The following COL25A1 variants were observed in gnomAD, a reference collection of about 807,000 sequenced individuals.
COL25A1 encodes collagen alpha-1(XXV) chain.
In COL25A1, 103 loss-of-function variants were observed where a neutral mutation model predicts 128.4. The observed-to-expected ratio is 0.80, with a 90% CI of 0.68 to 0.94. COL25A1 has a LOEUF of 0.94. COL25A1 is among the 40% of genes least tolerant of loss of function. The probability of loss-of-function intolerance (pLI) is 0.00; values close to 1 mark genes in which losing one functional copy is unlikely to be tolerated. For synonymous variants in COL25A1, 279 were observed against 277.2 expected, an observed-to-expected ratio of 1.01 and a Z score of -0.06; for missense variants, 745 against 840.0, an observed-to-expected ratio of 0.89 and a Z score of 1.40.
intron 35 of COL25A1, among the ~76,000 whole-genome samples, chr4:108,822,167 C>T (rs972816774): frequency 2.6e-5 from 4 of 150,972 alleles, no homozygotes; most frequent in African/African-American, 7.3e-5. Flanking sequence ...CCTCAGCCTC[C>T]TGAGTAGCTG....
At chr4:108,880,399 G>A (rs998895601) in intron 19 of COL25A1, among the ~76,000 whole-genome samples, 1 of 152,186 alleles carries the variant, frequency 6.6e-6, no homozygotes, top group African/African-American at 2.4e-5. Context: ...CTGCAAAGGA[G>A]TTTTCAGAAT....
chr4:109,157,487 T>G (rs532232739), intron 3 of COL25A1, among the ~76,000 whole-genome samples: 54 of 152,194 alleles, frequency 3.5e-4, no homozygotes, highest in Non-Finnish European at 6.8e-4. Flanking sequence ...TATATTCACC[T>G]GTACTATTTC....
chr4:108,891,057 C>T (rs1190502857), intron 16 of COL25A1, among the ~76,000 whole-genome samples: 2 of 152,204 alleles, frequency 1.3e-5, no homozygotes, highest in African/African-American at 4.8e-5. Flanking sequence ...CAGTTAGCTA[C>T]ATGTGAGCAG....
intron 8 of COL25A1, among the ~76,000 whole-genome samples, chr4:108,974,057 T>G (rs954048628): frequency 1.3e-5 from 2 of 152,224 alleles, no homozygotes; most frequent in Non-Finnish European, 2.9e-5. Context: ...AAACAATTCA[T>G]GCAAATCTGA....
chr4:108,936,853 A>G (rs767968172), intron 11 of COL25A1, among the ~76,000 whole-genome samples: 2 of 149,466 alleles, frequency 1.3e-5, no homozygotes, highest in Non-Finnish European at 3.0e-5. Context: ...CGTGTTACCC[A>G]GGCTGGTCTC....
Position 108,891,164 on chromosome 4 carries a change from C to G in COL25A1, c.907-1431G>C, listed in dbSNP as rs921014351. On this transcript the variant is annotated intron_variant, in intron 16 of 37. Transcript: ENST00000399132. ...ACAGATCTCAAAAAGAATTTTTAAA[C>G]AGGTTAATTGTCAAGGATCAAAATG... 4.6e-5 allele frequency among the ~76,000 whole-genome samples: 7 copies of G among 152,170 alleles called. No homozygotes were observed. In the East Asian group the frequency reaches 1.4e-3, roughly 29 times the overall value.
At position 109,197,484 on chromosome 4, in the gene COL25A1, TA is replaced by T. The variant is rs557245796; in HGVS notation, c.367+103098del. Reference sequence around the variant, plus strand: ...AATATTATATATAATATATATTATATATTATATATAAATATATATTATATAA... The same window carrying T: ...AATATTATATATAATATATATTATATTTATATATAAATATATATTATATAA... On this transcript the variant is annotated intron_variant, in intron 3 of 37. Transcript: ENST00000399132. Among the ~76,000 whole-genome samples, 7 of 127,340 alleles carry T rather than the reference TA, an allele frequency of 5.5e-5. No individual in the cohort carries two copies. In the South Asian group the frequency reaches 1.6e-3, roughly 29 times the overall value. 83.5% of individuals were successfully genotyped at this position (127,340 alleles called of 152,430 possible). A position where few individuals can be genotyped will look rare whatever the true frequency, so the allele number is the denominator to read the frequency against.
intron 3 of COL25A1, among the ~76,000 whole-genome samples, chr4:109,080,102 A>G (rs1319101539): frequency 1.3e-5 from 2 of 152,084 alleles, no homozygotes; most frequent in African/African-American, 4.8e-5. Context: ...ACCATTAACA[A>G]CACGTAGCAT....
intron 3 of COL25A1, among the ~76,000 whole-genome samples, chr4:109,128,459 G>C (rs1303424743): frequency 6.6e-6 from 1 of 152,120 alleles, no homozygotes; most frequent in Admixed American, 6.6e-5. Flanking sequence ...CCTGCTTCGA[G>C]CTCTTCCTCC....
intron 6 of COL25A1, among the ~76,000 whole-genome samples, chr4:108,985,962 T>C (rs1167587889): frequency 1.3e-5 from 2 of 152,228 alleles, no homozygotes; most frequent in Non-Finnish European, 2.9e-5. Context: ...TTCATGATTC[T>C]TGACTTTCCT....
intron 3 of COL25A1, among the ~76,000 whole-genome samples, chr4:109,118,881 T>C (rs1767853654): frequency 6.6e-6 from 1 of 151,976 alleles, no homozygotes. Flanking sequence ...AAGTGACATA[T>C]ATGGACTACT....
At chr4:109,223,725 T>C (rs1398343911) in intron 3 of COL25A1, among the ~76,000 whole-genome samples, 2 of 152,132 alleles carry the variant, frequency 1.3e-5, no homozygotes, top group Admixed American at 6.6e-5. Flanking sequence ...ATTTACCAGT[T>C]AGGTCTTAAT....
At position 109,097,824 on chromosome 4, in the gene COL25A1, C is replaced by T. The variant is rs560647264; in HGVS notation, c.368-47645G>A. Among the ~76,000 whole-genome samples the T allele has an allele frequency of 2.5e-4, 38 of 151,750 alleles. No individual in the cohort carries two copies. The South Asian group carries it at 5.2e-3, about 21-fold the overall frequency. ...TACCACAGGTGCGCACCACCACGCC[C>T]AGCTAATTTTTGTATTTTTAACAGA... is the stretch of plus-strand genomic sequence containing the variant. On this transcript the variant is annotated intron_variant, in intron 3 of 37. Coordinates refer to ENST00000399132, the MANE Select transcript of COL25A1 (RefSeq NM_198721.4).
At chr4:108,961,338 C>T (rs149063697) in intron 8 of COL25A1, among the ~76,000 whole-genome samples, 71 of 152,184 alleles carry the variant, frequency 4.7e-4, no homozygotes, top group African/African-American at 1.4e-3. Context: ...AACTGAAATA[C>T]GTTCACACAC....
chr4:109,026,100 G>GCGCACA (rs369513602), intron 5 of COL25A1, among the ~76,000 whole-genome samples: 7 of 137,160 alleles, frequency 5.1e-5, no homozygotes, highest in African/African-American at 1.6e-4. Context: ...AAAACACTTT[G>GCGCACA]CACACACACA....
chr4:109,106,059 T>C (rs1766399214), intron 3 of COL25A1, among the ~76,000 whole-genome samples: 1 of 152,216 alleles, frequency 6.6e-6, no homozygotes, highest in African/African-American at 2.4e-5. Flanking sequence ...ATTTTCAGTA[T>C]GAGGGATCTC....
chr4:109,152,576 G>A (rs2704107), intron 3 of COL25A1, among the ~76,000 whole-genome samples: 95,732 of 151,968 alleles, frequency 0.63, 30,634 homozygotes, highest in East Asian at 0.75. Flanking sequence ...AAACAAAACA[G>A]ATAGCATTAT....
chr4:108,970,636 A>G (rs1436467832), intron 8 of COL25A1, among the ~76,000 whole-genome samples: 2 of 152,170 alleles, frequency 1.3e-5, no homozygotes, highest in African/African-American at 2.4e-5. Flanking sequence ...ACGTTGCTGT[A>G]CAGTAGATCT....
At chr4:109,090,516 A>C (rs1764802970) in intron 3 of COL25A1, among the ~76,000 whole-genome samples, 2 of 152,220 alleles carry the variant, frequency 1.3e-5, no homozygotes, top group Admixed American at 6.5e-5. Context: ...TAAAATATAC[A>C]GTTTTAGAAC....
Sources: allele counts gnomAD v4.1 joint callset (sites outside exome capture counted in the v4.1 genomes callset), GRCh38; gene constraint gnomAD v4.1.1; transcripts MANE v1.5; gene names NCBI Gene and HGNC (gene_info 2026-07-23, HGNC 2026-07-21).